The following HMGN3 variants were observed in gnomAD, a reference collection of about 807,000 sequenced individuals.
HMGN3 encodes high mobility group nucleosome-binding domain-containing protein 3.
HMGN3 carries 6 observed loss-of-function variants against 18.8 expected under a neutral mutation model. The ratio of observed to expected loss-of-function variants is 0.32; its 90% CI spans 0.18 to 0.63. The LOEUF (loss-of-function observed/expected upper bound fraction) is 0.63. Among genes scored for constraint, HMGN3 ranks in the 30% least tolerant of loss-of-function variants. The pLI, the probability that HMGN3 is intolerant of heterozygous loss-of-function variation, is 0.79. For synonymous variants in HMGN3, 40 were observed against 36.5 expected, an observed-to-expected ratio of 1.10 and a Z score of -0.35; for missense variants, 107 against 114.2, an observed-to-expected ratio of 0.94 and a Z score of 0.29.
rs189986639 is a variant in HMGN3, at chr6:79,229,648, C to T, written c.15+4898G>A. On this transcript the variant is annotated intron_variant, in intron 1 of 5. Coordinates refer to ENST00000344726, the Ensembl canonical transcript of HMGN3. ...ATCCCAGCACTTTGGGAGGCCGAGA[C>T]GGGCGGATCACGAGGTCAGGAGATC... Among the ~76,000 whole-genome samples the T allele has an allele frequency of 5.3e-5, 8 of 152,220 alleles. No homozygotes were observed. The East Asian group carries it at 7.7e-4, about 15-fold the overall frequency.
At chr6:79,234,218 G>T (rs946893152) in intron 1 of HMGN3, 12 of 267,440 alleles carry the variant, frequency 4.5e-5, no homozygotes, top group Non-Finnish European at 7.7e-5. Flanking sequence ...CTGGCAGTTT[G>T]CAAAGAGGAA....
intron 4 of HMGN3, among the ~76,000 whole-genome samples, chr6:79,203,139 G>A (rs1561981469): frequency 1.3e-5 from 2 of 152,056 alleles, no homozygotes; most frequent in Non-Finnish European, 2.9e-5. Context: ...TACTATAAGG[G>A]CCTTATAAAT....
At chr6:79,204,577 C>T (rs1361278148) in intron 3 of HMGN3, among the ~76,000 whole-genome samples, 1 of 152,206 alleles carries the variant, frequency 6.6e-6, no homozygotes, top group African/African-American at 2.4e-5. Flanking sequence ...GTACATCTCT[C>T]CTGGCACTAG....
chr6:79,218,857 T>C (rs1777126857), intron 1 of HMGN3, among the ~76,000 whole-genome samples: 1 of 152,168 alleles, frequency 6.6e-6, no homozygotes, highest in Admixed American at 6.5e-5. Flanking sequence ...AGCAGGCTCA[T>C]TGAAATAAAA....
At chr6:79,234,381 G>A in intron 1 of HMGN3, 165 bp downstream of exon 1, 1 of 662,818 alleles carries the variant, frequency 1.5e-6, no homozygotes, top group Non-Finnish European at 2.7e-6. Flanking sequence ...AGGGGGGACA[G>A]AGAGAGGAAC....
chr6:79,218,301 TACA>T lies in HMGN3; in HGVS notation c.16-3282_16-3280del, dbSNP rs528650063. Among the ~76,000 whole-genome samples the T allele has an allele frequency of 2.4e-3, 360 of 152,178 alleles. 1 individual carries two copies. The highest frequency in any genetic ancestry group is 8.3e-3 in the African/African-American group (346 of 41,508). ...AAACAATATAGGTAACTAACACTTA[TACA>T]ACAATATGATACTTAAAAGAGACAC... On this transcript the variant is annotated intron_variant, in intron 1 of 5. Coordinates refer to ENST00000344726, the Ensembl canonical transcript of HMGN3.
chr6:79,201,706 TAC>T lies in HMGN3; in HGVS notation c.280_281del (p.Val94ArgfsTer2). ...TGACAATTCATTCTCCCTCGTTATC[TAC>T]AGATTCAGTTTTCTGTGCCTGTGAA... On this transcript the variant is annotated frameshift_variant, in exon 6 of 6. Coordinates refer to ENST00000344726, the Ensembl canonical transcript of HMGN3. LOFTEE classifies it high-confidence loss of function. 6.2e-7 allele frequency: 1 copy of T among 1,601,386 alleles called. No individual in the cohort carries two copies. The highest frequency in any genetic ancestry group is 1.1e-5 in the South Asian group (1 of 90,402).
chr6:79,232,323 TGATA>T (rs1777883352), intron 1 of HMGN3, among the ~76,000 whole-genome samples: 2 of 152,180 alleles, frequency 1.3e-5, no homozygotes, highest in African/African-American at 2.4e-5. Context: ...AAGACTTGAC[TGATA>T]GATGGATGGC....
At chr6:79,232,026 T>C (rs1777863521) in intron 1 of HMGN3, among the ~76,000 whole-genome samples, 1 of 152,200 alleles carries the variant, frequency 6.6e-6, no homozygotes, top group Admixed American at 6.5e-5. Flanking sequence ...GTTCATTAAA[T>C]AACATTTCTT....
At chr6:79,206,960 C>T (rs570943445) in intron 3 of HMGN3, among the ~76,000 whole-genome samples, 60 of 152,294 alleles carry the variant, frequency 3.9e-4, no homozygotes, top group African/African-American at 1.3e-3. Flanking sequence ...TGCTGGATTT[C>T]GGACTTGCAT....
At chr6:79,225,282 A>T (rs1777513256) in intron 1 of HMGN3, among the ~76,000 whole-genome samples, 1 of 152,214 alleles carries the variant, frequency 6.6e-6, no homozygotes, top group Admixed American at 6.5e-5. Flanking sequence ...CTCAGGGTAG[A>T]TTTTGTATTT....
intron 1 of HMGN3, among the ~76,000 whole-genome samples, chr6:79,222,199 G>T (rs1777331188): frequency 6.6e-6 from 1 of 152,100 alleles, no homozygotes; most frequent in African/African-American, 2.4e-5. Context: ...AACCTAGGGA[G>T]TGTATTACAT....
At chr6:79,216,462 A>G (rs1329141966) in intron 1 of HMGN3, among the ~76,000 whole-genome samples, 1 of 152,204 alleles carries the variant, frequency 6.6e-6, no homozygotes, top group African/African-American at 2.4e-5. Flanking sequence ...GTCTTTAGGA[A>G]AGATAAAAGC....
chr6:79,214,886 G>A (rs1056285365), intron 2 of HMGN3, 86 bp downstream of exon 2: 19 of 782,022 alleles, frequency 2.4e-5, no homozygotes, highest in South Asian at 1.6e-4. Flanking sequence ...ACAATTGTCC[G>A]CATTTCATTC....
chr6:79,216,515 T>C (rs1776990353), intron 1 of HMGN3, among the ~76,000 whole-genome samples: 1 of 152,212 alleles, frequency 6.6e-6, no homozygotes. Flanking sequence ...CTCTATTCCC[T>C]AGAGCTGCCC....
Position 79,234,372 on chromosome 6 carries a change from G to A in HMGN3, c.15+174C>T, listed in dbSNP as rs1778035415. ...GAGATCGATGAGGACGGAGTGGGTA[G>A]GGGGGACAGAGAGAGGAACGTCTGC... On this transcript the variant is annotated intron_variant, in intron 1 of 5. Coordinates refer to ENST00000344726, the Ensembl canonical transcript of HMGN3. 7.9e-6 allele frequency: 4 copies of A among 506,774 alleles called. No homozygotes were observed. The Admixed American group carries it at 1.3e-4, about 16-fold the overall frequency. The allele number at this position is 506,774 out of a possible 1,614,324, so 31.4% of individuals were successfully genotyped here.
intron 1 of HMGN3, among the ~76,000 whole-genome samples, chr6:79,221,521 C>T (rs1463666212): frequency 6.6e-6 from 1 of 152,216 alleles, no homozygotes; most frequent in Non-Finnish European, 1.5e-5. Context: ...CATAGGCCAT[C>T]CATGAAGAAT....
At chr6:79,223,002 A>G (rs1244841458) in intron 1 of HMGN3, among the ~76,000 whole-genome samples, 3 of 152,252 alleles carry the variant, frequency 2.0e-5, no homozygotes, top group East Asian at 1.9e-4. Context: ...CTAAAAATAA[A>G]GAAAGTTGTG....
rs141274659 is a variant in HMGN3, at chr6:79,208,015, C to T, written c.96+532G>A. Among the ~76,000 whole-genome samples, 1,103 of 152,284 alleles carry T rather than the reference C, an allele frequency of 7.2e-3. 9 individuals carry two copies. Among genetic ancestry groups the T allele is most frequent in the Non-Finnish European group, 0.012 (836 of 68,032 alleles). On this transcript the variant is annotated intron_variant, in intron 3 of 5. Transcript: ENST00000344726. ...GATGTCCACCTCAGAGGCTCAGCCA[C>T]ATCTGCCCATCTCAGCTTGTATCCT...
Sources: allele counts gnomAD v4.1 joint callset (sites outside exome capture counted in the v4.1 genomes callset), GRCh38; gene constraint gnomAD v4.1.1; transcripts MANE v1.5; gene names NCBI Gene and HGNC (gene_info 2026-07-23, HGNC 2026-07-21).